The following SCAPER variants were observed in gnomAD, a reference collection of about 807,000 sequenced individuals.
SCAPER encodes S phase cyclin A-associated protein in the endoplasmic reticulum.
A neutral mutation model predicts 182.2 loss-of-function variants in SCAPER; 98 were observed. The observed-to-expected ratio is 0.54, with a 90% CI of 0.46 to 0.64. SCAPER has a LOEUF of 0.64. Among genes scored for constraint, SCAPER ranks in the 30% least tolerant of loss-of-function variants. The probability of loss-of-function intolerance (pLI) is 0.00; values close to 1 mark genes in which losing one functional copy is unlikely to be tolerated. For missense variants in SCAPER, 1,432 were observed against 1,690.0 expected (o/e 0.85, Z 2.68); for synonymous variants, 605 against 564.6 (o/e 1.07, Z -1.01).
intron 1 of SCAPER, among the ~76,000 whole-genome samples, chr15:76,885,745 A>G (rs2073805458): frequency 6.6e-6 from 1 of 152,178 alleles, no homozygotes; most frequent in Non-Finnish European, 1.5e-5. Flanking sequence ...TCAGCCTCCC[A>G]AAGTGCTGGG....
intron 16 of SCAPER, 86 bp downstream of exon 16, chr15:76,733,143 G>T: frequency 8.1e-7 from 1 of 1,237,498 alleles, no homozygotes. Context: ...CCGCACATGG[G>T]GAGAAAAACC....
intron 23 of SCAPER, among the ~76,000 whole-genome samples, chr15:76,572,308 T>C (rs1377547959): frequency 6.6e-6 from 1 of 152,198 alleles, no homozygotes; most frequent in Non-Finnish European, 1.5e-5. Context: ...TTTACAAAAA[T>C]AATCAGTATA....
chr15:76,549,720 C>T (rs1323626147), intron 23 of SCAPER, among the ~76,000 whole-genome samples: 1 of 143,702 alleles, frequency 7.0e-6, no homozygotes, highest in Non-Finnish European at 1.5e-5. Flanking sequence ...ACGTTGTGCA[C>T]ATGTACCCTA....
intron 4 of SCAPER, among the ~76,000 whole-genome samples, chr15:76,843,730 G>T (rs1049141407): frequency 2.0e-5 from 3 of 152,168 alleles, no homozygotes; most frequent in East Asian, 3.9e-4. Context: ...ACTGAGGCAG[G>T]AGTATCACTT....
chr15:76,591,787 C>T (rs972490718), intron 22 of SCAPER, among the ~76,000 whole-genome samples: 34 of 152,342 alleles, frequency 2.2e-4, no homozygotes, highest in South Asian at 4.1e-4. Context: ...GGCTGGGCCG[C>T]AGTGGCACAT....
At chr15:76,545,007 A>G (rs956182489) in intron 23 of SCAPER, among the ~76,000 whole-genome samples, 3 of 152,136 alleles carry the variant, frequency 2.0e-5, no homozygotes, top group African/African-American at 4.8e-5. Context: ...CTGAAATACA[A>G]CTTATATAAG....
chr15:76,493,615 T>C (rs945704550), intron 24 of SCAPER, among the ~76,000 whole-genome samples: 2 of 152,248 alleles, frequency 1.3e-5, no homozygotes, highest in African/African-American at 2.4e-5. Flanking sequence ...TTATTTTTAC[T>C]GTTAACATGA....
At chr15:76,511,862 T>TGTGA (rs1162316090) in intron 23 of SCAPER, among the ~76,000 whole-genome samples, 6 of 110,912 alleles carry the variant, frequency 5.4e-5, no homozygotes, top group Non-Finnish European at 9.0e-5. Flanking sequence ...TGTGTGTGTG[T>TGTGA]GTGTGTGTGT....
At chr15:76,580,662 G>A (rs1268396406) in intron 22 of SCAPER, among the ~76,000 whole-genome samples, 2 of 152,024 alleles carry the variant, frequency 1.3e-5, no homozygotes, top group Non-Finnish European at 2.9e-5. Context: ...TACAGTGAAA[G>A]CAGTACTAAG....
chr15:76,427,287 A>G (rs1356849300), intron 26 of SCAPER, among the ~76,000 whole-genome samples: 6 of 152,258 alleles, frequency 3.9e-5, no homozygotes, highest in African/African-American at 1.4e-4. Context: ...CAACCTGCAG[A>G]ATGGGAGAAA....
At chr15:76,620,328 G>A (rs983185397) in intron 22 of SCAPER, among the ~76,000 whole-genome samples, 1 of 151,992 alleles carries the variant, frequency 6.6e-6, no homozygotes, top group Non-Finnish European at 1.5e-5. Flanking sequence ...CTCAGTAAAT[G>A]TTACCTATTA....
intron 25 of SCAPER, among the ~76,000 whole-genome samples, chr15:76,465,350 T>C (rs757452189): frequency 1.4e-4 from 21 of 152,104 alleles, no homozygotes; most frequent in Non-Finnish European, 2.6e-4. Flanking sequence ...TCTGAAAGTA[T>C]TCATGAGGGC....
intron 26 of SCAPER, among the ~76,000 whole-genome samples, chr15:76,406,970 C>A (rs545080024): frequency 1.1e-4 from 16 of 152,270 alleles, no homozygotes; most frequent in Non-Finnish European, 2.1e-4. Flanking sequence ...TATCTTTCCA[C>A]TGGGGATATC....
At chr15:76,754,527 T>G (rs1206932776) in intron 14 of SCAPER, among the ~76,000 whole-genome samples, 1 of 152,096 alleles carries the variant, frequency 6.6e-6, no homozygotes, top group South Asian at 2.1e-4. Flanking sequence ...GTAATTGCTA[T>G]TTGATGTTAT....
intron 25 of SCAPER, among the ~76,000 whole-genome samples, chr15:76,451,018 A>G (rs1164832584): frequency 6.6e-6 from 1 of 152,230 alleles, no homozygotes; most frequent in African/African-American, 2.4e-5. Flanking sequence ...TTTGAAGTCA[A>G]TGTTCCCTTT....
chr15:76,378,162 G>C (rs772436049), intron 28 of SCAPER, among the ~76,000 whole-genome samples: 1 of 152,236 alleles, frequency 6.6e-6, no homozygotes, highest in Non-Finnish European at 1.5e-5. Context: ...ATGCCTCCCT[G>C]TAACAGCTCT....
intron 27 of SCAPER, among the ~76,000 whole-genome samples, chr15:76,384,322 C>G (rs2043156772): frequency 1.3e-5 from 2 of 152,176 alleles, no homozygotes; most frequent in African/African-American, 4.8e-5. Context: ...TGATTATCAG[C>G]ATATTCTAAT....
At chr15:76,591,105 TA>T (rs557788786) in intron 22 of SCAPER, among the ~76,000 whole-genome samples, 68 of 152,136 alleles carry the variant, frequency 4.5e-4, no homozygotes, top group South Asian at 3.3e-3. Flanking sequence ...ATGGATACAC[TA>T]AAAGCCCAGA....
chr15:76,637,727 T>C (rs1180439085), intron 21 of SCAPER, among the ~76,000 whole-genome samples: 1 of 26,562 alleles, frequency 3.8e-5, no homozygotes, highest in African/African-American at 1.0e-4. Context: ...TGTGATTATA[T>C]ATATATATAT....
Sources: allele counts gnomAD v4.1 joint callset (sites outside exome capture counted in the v4.1 genomes callset), GRCh38; gene constraint gnomAD v4.1.1; transcripts MANE v1.5; gene names NCBI Gene and HGNC (gene_info 2026-07-23, HGNC 2026-07-21).